The following CSMD3 variants were observed in gnomAD, a reference collection of about 807,000 sequenced individuals.
CSMD3 encodes the protein CUB and sushi domain-containing protein 3.
Under a neutral mutation model 435.2 loss-of-function variants are expected in CSMD3, and 177 were observed. The observed-to-expected ratio is 0.41, with a 90% confidence interval of 0.36 to 0.46. CSMD3 has a LOEUF of 0.46. Ranked by LOEUF, CSMD3 falls within the 20% of genes least tolerant of loss-of-function variation. The pLI is 0.34. For synonymous variants in CSMD3, 1,656 were observed against 1,520.5 expected (o/e 1.09, Z -2.07); for missense variants, 4,265 against 4,504.6 (o/e 0.95, Z 1.52).
At chr8:113,290,265 T>C (rs980030339) in intron 2 of CSMD3, among the ~76,000 whole-genome samples, 1 of 151,696 alleles carries the variant, frequency 6.6e-6, no homozygotes, top group Admixed American at 6.6e-5. Flanking sequence ...TTGGAGATTT[T>C]GAATAAAGCC....
chr8:112,371,819 T>C (rs1232321353), intron 38 of CSMD3, among the ~76,000 whole-genome samples: 3 of 150,814 alleles, frequency 2.0e-5, no homozygotes, highest in Admixed American at 6.6e-5. Flanking sequence ...ACCCGGGAGG[T>C]GGTGGTTGCA....
At chr8:112,586,977 CA>C in intron 23 of CSMD3, 88 bp downstream of exon 23, 1 of 841,040 alleles carries the variant, frequency 1.2e-6, no homozygotes, top group Non-Finnish European at 1.9e-6. Context: ...TATACATACA[CA>C]TATATATATA....
chr8:113,224,224 T>C (rs1238007874), intron 3 of CSMD3, among the ~76,000 whole-genome samples: 1 of 151,282 alleles, frequency 6.6e-6, no homozygotes, highest in Non-Finnish European at 1.5e-5. Flanking sequence ...CATTTTAATC[T>C]AACTTTGGGT....
intron 22 of CSMD3, among the ~76,000 whole-genome samples, chr8:112,603,484 T>C (rs1832540958): frequency 6.6e-6 from 1 of 152,210 alleles, no homozygotes; most frequent in South Asian, 2.1e-4. Context: ...CAGTATGTAC[T>C]GTAGTTAATT....
chr8:113,121,423 A>T (rs896232759), intron 4 of CSMD3, among the ~76,000 whole-genome samples: 4 of 152,090 alleles, frequency 2.6e-5, no homozygotes, highest in Non-Finnish European at 4.4e-5. Flanking sequence ...AACTATCACC[A>T]TTACTTTAAA....
chr8:112,298,892 G>A (rs76458751), intron 53 of CSMD3, among the ~76,000 whole-genome samples: 1 of 152,180 alleles, frequency 6.6e-6, no homozygotes, highest in East Asian at 1.9e-4. Flanking sequence ...GAATGCGTAT[G>A]TCCACAAAAA....
chr8:112,408,092 G>A (rs967416734), intron 34 of CSMD3, among the ~76,000 whole-genome samples: 4 of 151,974 alleles, frequency 2.6e-5, no homozygotes, highest in Non-Finnish European at 5.9e-5. Flanking sequence ...AAAATAATAT[G>A]TGGGAAGGAA....
chr8:113,148,587 A>G (rs1041662905), intron 4 of CSMD3, among the ~76,000 whole-genome samples: 2 of 151,766 alleles, frequency 1.3e-5, no homozygotes, highest in Admixed American at 6.6e-5. Flanking sequence ...TACTCAACAA[A>G]TAGTGGCTTA....
At chr8:112,340,894 T>C (rs1825029801) in intron 42 of CSMD3, among the ~76,000 whole-genome samples, 1 of 152,040 alleles carries the variant, frequency 6.6e-6, no homozygotes, top group African/African-American at 2.4e-5. Context: ...ATAGGAAGAA[T>C]CAACATTTGA....
intron 2 of CSMD3, among the ~76,000 whole-genome samples, chr8:113,278,908 T>G (rs534899688): frequency 6.6e-6 from 1 of 151,742 alleles, no homozygotes; most frequent in South Asian, 2.1e-4. Context: ...AGATAATACA[T>G]TTGTGTTGTT....
At chr8:113,252,158 C>A (rs927167015) in intron 3 of CSMD3, among the ~76,000 whole-genome samples, 2 of 152,056 alleles carry the variant, frequency 1.3e-5, no homozygotes, top group African/African-American at 4.8e-5. Flanking sequence ...ATTTATGAAT[C>A]TTTTATCTGT....
chr8:112,510,734 G>T (rs1823033044), intron 28 of CSMD3, among the ~76,000 whole-genome samples: 1 of 152,208 alleles, frequency 6.6e-6, no homozygotes, highest in Non-Finnish European at 1.5e-5. Context: ...TTCTTTGACT[G>T]TATTGACTGT....
intron 13 of CSMD3, among the ~76,000 whole-genome samples, chr8:112,779,418 G>A (rs2078327359): frequency 6.6e-6 from 1 of 152,110 alleles, no homozygotes; most frequent in Non-Finnish European, 1.5e-5. Flanking sequence ...TTTAAAAATA[G>A]TTGTACAATT....
chr8:113,331,609 A>G (rs139279059), intron 1 of CSMD3, among the ~76,000 whole-genome samples: 28 of 151,912 alleles, frequency 1.8e-4, no homozygotes, highest in African/African-American at 6.5e-4. Context: ...TTACCCAGGA[A>G]TGCAAAGCTA....
In CSMD3 at chr8:112,321,179, T is replaced by G. The variant is rs369170698; in HGVS notation, c.7166-1198A>C. Among the ~76,000 whole-genome samples, 10 of 152,216 alleles carry G rather than the reference T, an allele frequency of 6.6e-5. No homozygotes were observed. The East Asian group carries it at 1.4e-3, about 21-fold the overall frequency. On this transcript the variant is annotated intron_variant, in intron 45 of 70. Transcript: ENST00000297405. ...TGAGGCAAATTGTTTTATATGCCTA[T>G]TTTTACTACTTAAACTTAGAAGTTC... is the stretch of plus-strand genomic sequence containing the variant.
At chr8:112,645,559 A>T (rs957573778) in intron 19 of CSMD3, among the ~76,000 whole-genome samples, 2 of 130,884 alleles carry the variant, frequency 1.5e-5, no homozygotes, top group Non-Finnish European at 3.2e-5. Flanking sequence ...TTAAGCACTA[A>T]GAAAATGAAT....
chr8:112,797,162 T>C (rs888113505), intron 13 of CSMD3, among the ~76,000 whole-genome samples: 1 of 151,940 alleles, frequency 6.6e-6, no homozygotes, highest in Non-Finnish European at 1.5e-5. Context: ...TATTTTACAT[T>C]CATACATAAA....
chr8:112,688,185 T>A (rs2076053939), intron 14 of CSMD3, among the ~76,000 whole-genome samples: 1 of 152,290 alleles, frequency 6.6e-6, no homozygotes, highest in African/African-American at 2.4e-5. Context: ...CACAATCTGT[T>A]TGCCATCTCC....
chr8:113,359,056 A>G (rs2094253758), intron 1 of CSMD3, among the ~76,000 whole-genome samples: 2 of 152,008 alleles, frequency 1.3e-5, no homozygotes, highest in African/African-American at 4.8e-5. Flanking sequence ...TAAAAAAAAA[A>G]TCTGTGAATA....
Sources: allele counts gnomAD v4.1 joint callset (sites outside exome capture counted in the v4.1 genomes callset), GRCh38; gene constraint gnomAD v4.1.1; transcripts MANE v1.5; gene names NCBI Gene and HGNC (gene_info 2026-07-23, HGNC 2026-07-21).